The following SLC29A4 variants were observed in gnomAD, a reference collection of about 807,000 sequenced individuals.
SLC29A4 encodes the protein solute carrier family 29 member 4, also known as equilibrative nucleoside transporter 4.
Under a neutral mutation model 43.9 loss-of-function variants are expected in SLC29A4, and 36 were observed. The observed-to-expected ratio is 0.82, with a 90% CI of 0.63 to 1.08. The LOEUF (loss-of-function observed/expected upper bound fraction) is 1.08. Among genes scored for constraint, SLC29A4 ranks in the 50% least tolerant of loss-of-function variants. The pLI, the probability that SLC29A4 is intolerant of heterozygous loss-of-function variation, is 0.00. For missense variants in SLC29A4, 869 were observed against 755.3 expected (o/e 1.15, Z -1.77); for synonymous variants, 491 against 338.0 (o/e 1.45, Z -4.97).
chr7:5,297,778 A>C (rs1289783776), intron 7 of SLC29A4, among the ~76,000 whole-genome samples: 1 of 152,144 alleles, frequency 6.6e-6, no homozygotes, highest in Non-Finnish European at 1.5e-5. Context: ...GTGGTCTCCC[A>C]GGTGGGGATA....
rs146972199 is a variant in SLC29A4 at position 5,289,785 on chromosome 7, C to T, written c.170-947C>T. On this transcript the variant is annotated intron_variant, in intron 2 of 10. Transcript: ENST00000396872. ...AGGCAGTGACAAGGTCATACCGCCA[C>T]CGAGCATGATACAAGAACCCGGTAC... 2.4e-3 allele frequency among the ~76,000 whole-genome samples: 367 copies of T among 152,272 alleles called. 3 individuals are homozygous for T. The highest frequency in any genetic ancestry group is 8.3e-3 in the African/African-American group (346 of 41,536).
intron 1 of SLC29A4, among the ~76,000 whole-genome samples, chr7:5,285,925 A>C (rs968749412): frequency 5.9e-5 from 9 of 152,134 alleles, no homozygotes; most frequent in African/African-American, 2.2e-4. Flanking sequence ...TGGGAGGATC[A>C]CTTCAGCCTG....
intron 1 of SLC29A4, among the ~76,000 whole-genome samples, chr7:5,286,905 C>T (rs1784987595): frequency 6.6e-6 from 1 of 152,256 alleles, no homozygotes; most frequent in Non-Finnish European, 1.5e-5. Context: ...GCGGTGCAGG[C>T]ACGCGTGAGG....
chr7:5,296,997 G>C lies in SLC29A4; in HGVS notation c.681G>C (p.Glu227Asp). The change falls in exon 7 of 11, where the codon GAG (glutamate) becomes GAC (aspartate). Residue 227 changes from glutamate to aspartate, a missense_variant. Coordinates refer to ENST00000396872, the MANE Select transcript of SLC29A4 (RefSeq NM_153247.4). ...RILTKLLLPD[E>D]RASTLIFFLV... ...TCACGAAGCTGCTGCTGCCCGACGA[G>C]CGCGCCAGCACGCTCATCTTCTTCC... is the stretch of plus-strand genomic sequence containing the variant. 1.9e-6 allele frequency: 3 copies of C among 1,604,234 alleles called. No individual in the cohort carries two copies. Among genetic ancestry groups the C allele is most frequent in the Non-Finnish European group, 1.7e-6 (2 of 1,179,634 alleles).
intron 9 of SLC29A4, among the ~76,000 whole-genome samples, 177 bp downstream of exon 9, chr7:5,299,604 C>T (rs1785988619): frequency 6.6e-6 from 1 of 152,180 alleles, no homozygotes; most frequent in Non-Finnish European, 1.5e-5. Flanking sequence ...GCGGCCCTGG[C>T]CTGATCCCAC....
intron 1 of SLC29A4, among the ~76,000 whole-genome samples, chr7:5,284,387 C>T (rs1294064837): frequency 6.6e-6 from 1 of 152,184 alleles, no homozygotes; most frequent in African/African-American, 2.4e-5. Flanking sequence ...CGTACTCTCA[C>T]CCTCTTCTTC....
chr7:5,300,315 A>G, intron 9 of SLC29A4, 107 bp from the exon 10 acceptor site: 1 of 1,520,730 alleles, frequency 6.6e-7, no homozygotes, highest in South Asian at 1.2e-5. Flanking sequence ...TGAGCTGGAC[A>G]GGCCCAGGAG....
chr7:5,299,279 G>T lies in SLC29A4; in HGVS notation c.1061G>T (p.Trp354Leu). The change falls in exon 9 of 11, where the codon TGG becomes TTG. Residue 354 changes from tryptophan (W) to leucine (L), a missense_variant. Transcript: ENST00000396872. Reference sequence around the variant, plus strand: ...CGCTACGTGGTGGCGCGGGTGATCTGGGCCGACATGCTCTCCATCGCCGTG... The same window carrying T: ...CGCTACGTGGTGGCGCGGGTGATCTTGGCCGACATGCTCTCCATCGCCGTG... Reference protein sequence around the residue: ...LHRYVVARVIWADMLSIAVTY... With the variant: ...LHRYVVARVILADMLSIAVTY... The T allele has an allele frequency of 6.2e-7, 1 of 1,612,070 alleles. No homozygotes were observed. Among genetic ancestry groups the T allele is most frequent in the East Asian group, 2.2e-5 (1 of 44,878 alleles).
At chr7:5,283,220 G>C (rs1206852306) in intron 1 of SLC29A4, 138 bp downstream of exon 1, 2 of 149,426 alleles carry the variant, frequency 1.3e-5, no homozygotes, top group Non-Finnish European at 3.0e-5. Context: ...CCTGTCCCGG[G>C]AACCCGAGGC....
At chr7:5,298,339 G>T (rs1213388609) in intron 7 of SLC29A4, among the ~76,000 whole-genome samples, 4 of 152,204 alleles carry the variant, frequency 2.6e-5, no homozygotes, top group Non-Finnish European at 5.9e-5. Context: ...TGGGGCAGAG[G>T]GAAAAGCGTG....
At chr7:5,293,727 C>G (rs1583662312) in intron 5 of SLC29A4, among the ~76,000 whole-genome samples, 1 of 152,178 alleles carries the variant, frequency 6.6e-6, no homozygotes, top group Non-Finnish European at 1.5e-5. Flanking sequence ...TCACTGCAGC[C>G]TCAACCTCAT....
In SLC29A4 at chr7:5,294,854, CTT is replaced by C; in HGVS notation, c.545-5_545-4del. 3.1e-6 allele frequency: 5 copies of C among 1,612,302 alleles called. No homozygotes were observed. The highest frequency in any genetic ancestry group is 1.7e-6 in the Non-Finnish European group (2 of 1,179,614). On this transcript the variant is annotated splice_polypyrimidine_tract_variant and splice_region_variant and intron_variant, in intron 5 of 10. Transcript: ENST00000396872. The stretch of plus-strand genomic sequence containing the variant: ...CTCTGGGTTGTTCCTCTCTCTCTCT[CTT>C]AAGTGCAGCAATCCAGCTTCTACGG...
intron 5 of SLC29A4, among the ~76,000 whole-genome samples, chr7:5,293,456 C>T (rs1785444831): frequency 6.6e-6 from 1 of 152,198 alleles, no homozygotes; most frequent in Admixed American, 6.6e-5. Context: ...AGGCGTGAGC[C>T]ACTATGCCTA....
Position 5,291,197 on chromosome 7 carries a change from C to G in SLC29A4, c.375C>G (p.Val125=). 4 of 1,613,632 alleles carry G rather than the reference C, an allele frequency of 2.5e-6. No homozygotes were observed. In the South Asian group the frequency reaches 4.4e-5, roughly 18 times the overall value. ...VALAAVLLNN[V]LVERLTLHTR... The stretch of plus-strand genomic sequence containing the variant: ...TGGCAGCTGTCCTCCTGAACAACGT[C>G]CTGGTGGAGAGACTGACCCTGCACA... The change falls in exon 4 of 11, where the codon GTC becomes GTG. Residue 125 remains valine (V), a synonymous_variant. Coordinates refer to ENST00000396872, the MANE Select transcript of SLC29A4 (RefSeq NM_153247.4).
Position 5,294,439 on chromosome 7 carries a change from G to C in SLC29A4, c.545-421G>C, listed in dbSNP as rs188525505. On this transcript the variant is annotated intron_variant, in intron 5 of 10. Coordinates refer to ENST00000396872, the MANE Select transcript of SLC29A4 (RefSeq NM_153247.4). Reference sequence around the variant, plus strand: ...AAATCTCAGTGGTTCCATAGAACAAGCCTGACTTCTCACTTTTGCTGCCTG... The same window carrying C: ...AAATCTCAGTGGTTCCATAGAACAACCCTGACTTCTCACTTTTGCTGCCTG... 5.5e-3 allele frequency among the ~76,000 whole-genome samples: 831 copies of C among 151,912 alleles called. 7 individuals are homozygous for C. Among genetic ancestry groups the C allele is most frequent in the African/African-American group, 0.019 (777 of 41,236 alleles).
At chr7:5,296,114 G>A (rs117515926) in intron 6 of SLC29A4, among the ~76,000 whole-genome samples, 1 of 151,986 alleles carries the variant, frequency 6.6e-6, no homozygotes, top group Non-Finnish European at 1.5e-5. Flanking sequence ...GCAGCCCCTG[G>A]CCAGGAACAC....
intron 5 of SLC29A4, among the ~76,000 whole-genome samples, chr7:5,293,902 C>T (rs868617165): frequency 2.0e-5 from 3 of 152,082 alleles, no homozygotes; most frequent in East Asian, 1.9e-4. Context: ...GTCAGGAGTT[C>T]GAGACCAGTC....
intron 1 of SLC29A4, among the ~76,000 whole-genome samples, chr7:5,287,288 C>T (rs927107647): frequency 2.6e-5 from 4 of 152,008 alleles, no homozygotes; most frequent in African/African-American, 4.8e-5. Context: ...CATGGTGTTT[C>T]GAACCTGTGG....
chr7:5,287,854 G>A lies in SLC29A4; in HGVS notation c.38G>A (p.Ser13Asn). 1 of 1,611,974 alleles carries A rather than the reference G, an allele frequency of 6.2e-7. No individual in the cohort carries two copies. Among genetic ancestry groups the A allele is most frequent in the Non-Finnish European group, 8.5e-7 (1 of 1,179,832 alleles). ...GGGAGCCAGCGCCTTGAGGAGCCCA[G>A]CGTGGCAGGCACACCAGACCCGGGC... is the stretch of plus-strand genomic sequence containing the variant. Reference protein sequence around the residue: ...SVGSQRLEEPSVAGTPDPGVV... With the variant: ...SVGSQRLEEPNVAGTPDPGVV... Residue 13 changes from serine (S) to asparagine (N), a missense_variant, in exon 2 of 11, where the codon AGC becomes AAC. Ser to Asn is a conservative substitution (Grantham distance 46). Coordinates refer to ENST00000396872, the MANE Select transcript of SLC29A4 (RefSeq NM_153247.4).
Sources: gnomAD v4.1 joint callset for allele counts (sites outside exome capture counted in the v4.1 genomes callset) on GRCh38, gnomAD v4.1.1 for gene constraint, MANE v1.5 for transcripts, NCBI Gene and HGNC (gene_info 2026-07-23, HGNC 2026-07-21) for gene names.